Variants in GRIA3 observed in about 807,000 individuals in gnomAD.
GRIA3 encodes the protein glutamate ionotropic receptor AMPA type subunit 3.
In GRIA3, 3 loss-of-function variants were observed where a neutral mutation model predicts 63.0. That is an observed-to-expected ratio of 0.05 (90% CI 0.02 to 0.12). GRIA3 has a LOEUF of 0.12. Among genes scored for constraint, GRIA3 ranks in the 10% least tolerant of loss-of-function variants. GRIA3 has a pLI of 1.00. For synonymous variants in GRIA3, 274 were observed against 257.9 expected (o/e 1.06, Z -0.60); for missense variants, 347 against 700.9 (o/e 0.50, Z 5.70).
chrX:123,462,055 T>A (rs1349108563), intron 12 of GRIA3, among the ~76,000 whole-genome samples: 1 of 111,393 alleles, frequency 9.0e-6, no homozygotes, highest in Non-Finnish European at 1.9e-5. Context: ...TCAGGGCTTG[T>A]TTGCTATCTT....
chrX:123,204,091 C>A (rs1927817527), intron 2 of GRIA3, among the ~76,000 whole-genome samples: 1 of 112,062 alleles, frequency 8.9e-6, no homozygotes, highest in African/African-American at 3.2e-5. Context: ...TAAGTTGTGG[C>A]AAATTATTTG....
intron 2 of GRIA3, among the ~76,000 whole-genome samples, chrX:123,210,056 C>T (rs1928000856): frequency 9.2e-6 from 1 of 108,909 alleles, no homozygotes; most frequent in Non-Finnish European, 1.9e-5. Context: ...GGCTCATCAA[C>T]TCCATGATTT....
rs770100171 is a variant in GRIA3, at chrX:123,463,755, GAGAA to G, written c.2077-1101_2077-1098del. 5.2e-4 allele frequency among the ~76,000 whole-genome samples: 46 copies of G among 87,729 alleles called. 5 individuals carry two copies. The highest frequency in any genetic ancestry group is 2.0e-3 in the African/African-American group (31 of 15,270). The allele number at this position is 87,729 out of a possible 115,157, so 76.2% of individuals were successfully genotyped here. On this transcript the variant is annotated intron_variant, in intron 12 of 15. Coordinates refer to ENST00000620443, the MANE Select transcript of GRIA3 (RefSeq NM_007325.5). ...GAAGAGAGAGAAAGAAAGAAAAAGA[GAGAA>G]AGAAAGAAGAGAAAGAAAGAAAAAG...
chrX:123,221,577 C>T (rs1313790805), intron 2 of GRIA3, among the ~76,000 whole-genome samples: 1 of 111,997 alleles, frequency 8.9e-6, no homozygotes, highest in East Asian at 2.8e-4. Context: ...AGTTTCCTCC[C>T]TGACCAATGA....
intron 2 of GRIA3, among the ~76,000 whole-genome samples, chrX:123,205,226 A>G (rs1354548519): frequency 3.6e-5 from 4 of 112,154 alleles, no homozygotes; most frequent in African/African-American, 1.3e-4. Flanking sequence ...GTCTAATCTT[A>G]TGCTCCTTCC....
At chrX:123,452,024 A>G (rs1470479754) in intron 12 of GRIA3, among the ~76,000 whole-genome samples, 1 of 112,002 alleles carries the variant, frequency 8.9e-6, no homozygotes, top group African/African-American at 3.2e-5. Context: ...AGAATTAGCA[A>G]TCATGTATAT....
At chrX:123,302,668 A>T (rs1437679528) in intron 3 of GRIA3, among the ~76,000 whole-genome samples, 1 of 111,704 alleles carries the variant, frequency 9.0e-6, no homozygotes, top group East Asian at 2.8e-4. Context: ...GAGGATCATT[A>T]TATGGGTCTA....
chrX:123,372,076 G>A (rs956922157), intron 5 of GRIA3, among the ~76,000 whole-genome samples: 4 of 111,802 alleles, frequency 3.6e-5, no homozygotes, highest in East Asian at 2.8e-4. Flanking sequence ...TAAAGATCAC[G>A]TTTCATTATT....
intron 12 of GRIA3, among the ~76,000 whole-genome samples, chrX:123,457,148 C>T (rs1270421338): frequency 9.0e-6 from 1 of 111,420 alleles, no homozygotes; most frequent in Non-Finnish European, 1.9e-5. Flanking sequence ...GTCTCATACA[C>T]AAGGCAGCCT....
At chrX:123,268,798 C>T (rs1306042519) in intron 3 of GRIA3, among the ~76,000 whole-genome samples, 4 of 111,652 alleles carry the variant, frequency 3.6e-5, no homozygotes, top group Non-Finnish European at 7.5e-5. Context: ...AGATTTATCG[C>T]GTTAAGCCTT....
intron 3 of GRIA3, among the ~76,000 whole-genome samples, chrX:123,260,611 C>G (rs368808388): frequency 9.4e-6 from 1 of 106,673 alleles, no homozygotes; most frequent in East Asian, 3.0e-4. Context: ...GATTAAAAGA[C>G]GTACGAAGGA....
intron 12 of GRIA3, among the ~76,000 whole-genome samples, chrX:123,456,024 T>C (rs2045759353): frequency 8.9e-6 from 1 of 111,923 alleles, no homozygotes; most frequent in Non-Finnish European, 1.9e-5. Context: ...GCTTGATTTA[T>C]ACTGAGGGGG....
At chrX:123,276,631 A>G (rs1386461890) in intron 3 of GRIA3, among the ~76,000 whole-genome samples, 1 of 112,077 alleles carries the variant, frequency 8.9e-6, no homozygotes, top group African/African-American at 3.2e-5. Flanking sequence ...GAGAGCTTAA[A>G]TGATGCTCCC....
chrX:123,404,838 T>C lies in GRIA3; in HGVS notation c.1424T>C (p.Val475Ala). ...HVRIKYKLSI[V>A]GDGKYGARDP... The stretch of plus-strand genomic sequence containing the variant: ...AGGATCAAATACAAATTGTCCATCG[T>C]TGGTGACGGGAAATATGGTGCAAGG... The change falls in exon 10 of 16, where the codon GTT becomes GCT. Residue 475 changes from valine to alanine, a missense_variant. Physicochemically the swap from Val to Ala is moderately conservative, Grantham distance 64. Around this residue, in one of 8 missense-constraint regions of GRIA3, gnomAD observed 65 missense variants for 145.8 expected, o/e 0.45. Coordinates refer to ENST00000620443, the MANE Select transcript of GRIA3 (RefSeq NM_007325.5). 8.3e-7 allele frequency: 1 copy of C among 1,209,131 alleles called. No homozygotes were observed. The highest frequency in any genetic ancestry group is 1.1e-6 in the Non-Finnish European group (1 of 893,137).
chrX:123,278,266 C>T (rs896076066), intron 3 of GRIA3, among the ~76,000 whole-genome samples: 4 of 111,916 alleles, frequency 3.6e-5, no homozygotes, highest in African/African-American at 9.7e-5. Context: ...AGGACTATAC[C>T]ACCATTTGTT....
At chrX:123,372,388 T>A (rs1569426489) in intron 5 of GRIA3, among the ~76,000 whole-genome samples, 2 of 111,986 alleles carry the variant, frequency 1.8e-5, no homozygotes, top group African/African-American at 6.5e-5. Context: ...GTTTTAGGAT[T>A]GTTTTTTCTA....
intron 3 of GRIA3, among the ~76,000 whole-genome samples, chrX:123,314,139 C>T (rs1335991107): frequency 3.6e-5 from 4 of 112,185 alleles, no homozygotes; most frequent in Admixed American, 1.9e-4. Context: ...TACTAACATC[C>T]ATGTCACTCA....
intron 3 of GRIA3, among the ~76,000 whole-genome samples, chrX:123,322,978 A>G (rs1438454259): frequency 4.5e-4 from 51 of 112,568 alleles, no homozygotes; most frequent in Non-Finnish European, 3.6e-4. Context: ...AATGCCTCTC[A>G]TTTGTGGCAG....
At chrX:123,309,155 C>T (rs927127376) in intron 3 of GRIA3, among the ~76,000 whole-genome samples, 2 of 111,392 alleles carry the variant, frequency 1.8e-5, no homozygotes, top group Non-Finnish European at 3.8e-5. Context: ...GAGGCTGAGG[C>T]AGGTGGATCA....
Sources: allele counts gnomAD v4.1 joint callset (sites outside exome capture counted in the v4.1 genomes callset), GRCh38; gene constraint gnomAD v4.1.1; regional missense constraint gnomAD v4.1.1; transcripts MANE v1.5; gene names NCBI Gene and HGNC (gene_info 2026-07-23, HGNC 2026-07-21).